GABRE: variants seen among roughly 807,000 people sequenced by gnomAD.
GABRE encodes the protein gamma-aminobutyric acid type A receptor subunit epsilon, also known as gamma-aminobutyric acid receptor subunit epsilon.
A neutral mutation model predicts 31.0 loss-of-function variants in GABRE; 20 were observed. The ratio of observed to expected loss-of-function variants is 0.64; its 90% CI spans 0.45 to 0.94. GABRE has a LOEUF of 0.94. Among genes scored for constraint, GABRE ranks in the 40% least tolerant of loss-of-function variants. The pLI is 0.00. For missense variants in GABRE, 420 were observed against 410.7 expected, an observed-to-expected ratio of 1.02 and a Z score of -0.20; for synonymous variants, 155 against 150.6, an observed-to-expected ratio of 1.03 and a Z score of -0.21.
chrX:151,970,533 G>A, intron 1 of GABRE, 131 bp from the exon 2 acceptor site: 1 of 742,016 alleles, frequency 1.3e-6, no homozygotes, highest in Non-Finnish European at 1.9e-6. Context: ...ACTGGTAATA[G>A]CAAATTATAA....
At chrX:151,962,854 G>A (rs1187518227) in intron 3 of GABRE, among the ~76,000 whole-genome samples, 1 of 111,566 alleles carries the variant, frequency 9.0e-6, no homozygotes, top group East Asian at 2.8e-4. Context: ...GGAACTCAGA[G>A]GTTACCAAGC....
At chrX:151,974,385 T>A (rs1934827318) in intron 1 of GABRE, among the ~76,000 whole-genome samples, 185 bp downstream of exon 1, 1 of 111,148 alleles carries the variant, frequency 9.0e-6, no homozygotes, top group Non-Finnish European at 1.9e-5. Context: ...CATCCTACAG[T>A]GAGGCGGGCC....
chrX:151,960,971 G>T (rs1410307397), intron 5 of GABRE, among the ~76,000 whole-genome samples: 1 of 111,428 alleles, frequency 9.0e-6, no homozygotes, highest in African/African-American at 3.3e-5. Flanking sequence ...TTTCATTTTG[G>T]ACATGTGCAG....
In GABRE at chrX:151,967,129, C is replaced by T. The variant is rs139896112; in HGVS notation, c.342+2540G>A. Among the ~76,000 whole-genome samples the T allele has an allele frequency of 6.4e-3, 717 of 111,705 alleles. 3 individuals are homozygous for T. The highest frequency in any genetic ancestry group is 0.011 in the Non-Finnish European group (559 of 53,127). ...CAGAAAGCAAACCGAAGCATCTTGG[C>T]GCCCCCTGCTCCATTTGTCAGTGTG... On this transcript the variant is annotated intron_variant, in intron 3 of 8. Coordinates refer to ENST00000370328, the MANE Select transcript of GABRE (RefSeq NM_004961.4).
intron 6 of GABRE, chrX:151,958,182 C>T (rs776411145): frequency 7.1e-6 from 1 of 139,997 alleles, no homozygotes; most frequent in East Asian, 2.7e-4. Flanking sequence ...GAATTCCTGA[C>T]CAGCAATAAT....
chrX:151,959,097 G>T, intron 6 of GABRE: 1 of 326,968 alleles, frequency 3.1e-6, no homozygotes, highest in South Asian at 2.6e-5. Flanking sequence ...GTGTTTCCAG[G>T]GTTGCTCTGG....
intron 1 of GABRE, among the ~76,000 whole-genome samples, chrX:151,973,676 A>G (rs1924231406): frequency 9.0e-6 from 1 of 110,821 alleles, no homozygotes; most frequent in East Asian, 2.9e-4. Context: ...CAACAACAAA[A>G]CGAAGCAGTC....
intron 2 of GABRE, 26 bp from the exon 3 acceptor site, chrX:151,969,762 G>A: frequency 8.3e-7 from 1 of 1,205,778 alleles, no homozygotes; most frequent in African/African-American, 1.7e-5. Context: ...AAGCAGCAGA[G>A]GGTAAGTGTC....
At position 151,961,318 on chromosome X, in the gene GABRE, A is replaced by G. The variant is rs1296705489; in HGVS notation, c.611T>C (p.Met204Thr). The change falls in exon 5 of 9, where the codon ATG (methionine) becomes ACG (threonine). Residue 204 changes from methionine to threonine, a missense_variant. Physicochemically the swap from Met to Thr is moderately conservative, Grantham distance 81. Transcript: ENST00000370328. ...GCSLHMLRFP[M>T]DSHSCPLSFS... ...AGATAGAGGGCAAGAGTGAGAATCC[A>G]TTGGAAATCTGAGCATGTGGAGTGA... is the stretch of plus-strand genomic sequence containing the variant. 8.3e-7 allele frequency: 1 copy of G among 1,208,634 alleles called. No individual in the cohort carries two copies. Among genetic ancestry groups the G allele is most frequent in the Non-Finnish European group, 1.1e-6 (1 of 892,909 alleles).
intron 3 of GABRE, among the ~76,000 whole-genome samples, chrX:151,963,752 T>C (rs1382165009): frequency 8.9e-6 from 1 of 112,551 alleles, no homozygotes; most frequent in Non-Finnish European, 1.9e-5. Context: ...TTTGGTGATC[T>C]TTAAAGGTAC....
intron 4 of GABRE, 55 bp downstream of exon 4, chrX:151,962,368 T>A (rs1330885642): frequency 2.9e-6 from 3 of 1,049,882 alleles, no homozygotes; most frequent in Non-Finnish European, 4.0e-6. Context: ...TTAGCTAAAA[T>A]TATCAGAAGG....
chrX:151,964,655 A>C (rs1385824881), intron 3 of GABRE, among the ~76,000 whole-genome samples: 3 of 111,110 alleles, frequency 2.7e-5, no homozygotes, highest in Non-Finnish European at 1.9e-5. Context: ...TTGTTTTAAA[A>C]ATTTACAAGC....
chrX:151,968,052 C>T (rs1934577030), intron 3 of GABRE, among the ~76,000 whole-genome samples: 1 of 112,792 alleles, frequency 8.9e-6, no homozygotes, highest in Non-Finnish European at 1.9e-5. Flanking sequence ...ATCTTGAGCA[C>T]CTTCTCTCAT....
At position 151,953,779 on chromosome X, in the gene GABRE, T is replaced by C. The variant is rs1934033455; in HGVS notation, c.*922A>G. The C allele has an allele frequency of 9.0e-6, 1 of 111,695 alleles. No individual in the cohort carries two copies. The highest frequency in any genetic ancestry group is 3.8e-4 in the South Asian group (1 of 2,631). The allele number at this position is 111,695 out of a possible 1,213,427, so 9.2% of individuals were successfully genotyped here. Reference sequence around the variant, plus strand: ...GTGGGCACCAATCAATGGCGAGTAATGCCTGTTGCAAAGCCGAGTTTCCTT... The same window carrying C: ...GTGGGCACCAATCAATGGCGAGTAACGCCTGTTGCAAAGCCGAGTTTCCTT... On this transcript the variant is annotated 3_prime_UTR_variant, in exon 9 of 9. Coordinates refer to ENST00000370328, the MANE Select transcript of GABRE (RefSeq NM_004961.4).
In GABRE at chrX:151,970,207, G is replaced by T. The variant is rs1275191916; in HGVS notation, c.252C>A (p.His84Gln). The change falls in exon 2 of 9, where the codon CAC (histidine) becomes CAA (glutamine). Residue 84 changes from histidine to glutamine, a missense_variant. Physicochemically the swap from His to Gln is conservative, Grantham distance 24. Coordinates refer to ENST00000370328, the MANE Select transcript of GABRE (RefSeq NM_004961.4). ...ILNTILSNYD[H>Q]KLRPGIGEKP... ...CACCTCCAATGCCAGGGCGCAGTTT[G>T]TGGTCATAATTACTCAGGATAGTGT... The T allele has an allele frequency of 2.5e-6, 3 of 1,210,417 alleles. No homozygotes were observed. The highest frequency in any genetic ancestry group is 2.2e-6 in the Non-Finnish European group (2 of 895,395).
rs745815848 is a variant in GABRE at position 151,959,846 on chromosome X, G to C, written c.777C>G (p.Thr259=). 5.9e-5 allele frequency: 71 copies of C among 1,210,509 alleles called. No homozygotes were observed. Among genetic ancestry groups the C allele is most frequent in the Non-Finnish European group, 7.7e-5 (69 of 894,886 alleles). Residue 259 remains threonine (T), a synonymous_variant, in exon 6 of 9, where the codon ACC becomes ACG. Transcript: ENST00000370328. ...AAGCCCTGGCACGCTTACCAACTGGGGTTGTGATTATTTCAGTTTTGTTGC... is the reference window on the plus strand; with the variant it reads ...AAGCCCTGGCACGCTTACCAACTGGCGTTGTGATTATTTCAGTTTTGTTGC... ...GVSNKTEIIT[T]PVGDFMVMTI...
chrX:151,963,550 T>C (rs1010184975), intron 3 of GABRE, among the ~76,000 whole-genome samples: 62 of 112,380 alleles, frequency 5.5e-4, no homozygotes, highest in Non-Finnish European at 7.3e-4. Context: ...GAATGGCAAA[T>C]GTGACTATGG....
intron 1 of GABRE, chrX:151,972,304 C>A (rs1934732016): frequency 1.3e-6 from 1 of 752,120 alleles, no homozygotes; most frequent in African/African-American, 2.3e-5. Context: ...ACAGTTTCTA[C>A]TTTCAAATGC....
intron 8 of GABRE, 134 bp downstream of exon 8, chrX:151,955,234 T>C: frequency 1.7e-6 from 2 of 1,183,512 alleles, no homozygotes; most frequent in Non-Finnish European, 2.3e-6. Context: ...GGAAGTTGAT[T>C]CAACCCCGCC....
Sources: allele counts gnomAD v4.1 joint callset (sites outside exome capture counted in the v4.1 genomes callset), GRCh38; gene constraint gnomAD v4.1.1; transcripts MANE v1.5; gene names NCBI Gene and HGNC (gene_info 2026-07-23, HGNC 2026-07-21).